Variants in CDYL2 observed in about 807,000 individuals in gnomAD.
CDYL2 encodes chromodomain Y like 2, also known as chromodomain Y-like protein 2.
Under a neutral mutation model 49.4 loss-of-function variants are expected in CDYL2, and 23 were observed. That is an observed-to-expected ratio of 0.47 (90% CI 0.34 to 0.66). The LOEUF is 0.66. Among genes scored for constraint, CDYL2 ranks in the 30% least tolerant of loss-of-function variants. The pLI, the probability that CDYL2 is intolerant of heterozygous loss-of-function variation, is 0.01. For missense variants in CDYL2, 678 were observed against 656.4 expected (o/e 1.03, Z -0.36); for synonymous variants, 360 against 268.8 (o/e 1.34, Z -3.32).
At chr16:80,609,283 G>A (rs910931394) in intron 5 of CDYL2, among the ~76,000 whole-genome samples, 23 of 152,274 alleles carry the variant, frequency 1.5e-4, no homozygotes, top group African/African-American at 4.8e-4. Flanking sequence ...GATAGGGTCC[G>A]CACGGCCGGC....
At chr16:80,779,822 C>A (rs572484021) in intron 1 of CDYL2, among the ~76,000 whole-genome samples, 29 of 152,202 alleles carry the variant, frequency 1.9e-4, no homozygotes, top group African/African-American at 6.7e-4. Flanking sequence ...GAAGGATATA[C>A]ATCAATGTTA....
At chr16:80,641,357 A>G (rs1390904684) in intron 2 of CDYL2, among the ~76,000 whole-genome samples, 2 of 152,164 alleles carry the variant, frequency 1.3e-5, no homozygotes, top group Non-Finnish European at 2.9e-5. Context: ...AAACAAAACA[A>G]AAAAACTTTT....
At chr16:80,674,101 G>C (rs536505595) in intron 2 of CDYL2, among the ~76,000 whole-genome samples, 12 of 152,290 alleles carry the variant, frequency 7.9e-5, no homozygotes, top group Non-Finnish European at 1.5e-4. Flanking sequence ...ACCAAGTTGG[G>C]AGGAATTTGT....
chr16:80,652,768 T>TGGA (rs1245122348), intron 2 of CDYL2, among the ~76,000 whole-genome samples: 1 of 151,972 alleles, frequency 6.6e-6, no homozygotes, highest in Non-Finnish European at 1.5e-5. Flanking sequence ...GGGTCCCTCC[T>TGGA]CCCAAAAACT....
At chr16:80,730,766 C>G (rs1905299943) in intron 1 of CDYL2, among the ~76,000 whole-genome samples, 1 of 152,082 alleles carries the variant, frequency 6.6e-6, no homozygotes, top group South Asian at 2.1e-4. Context: ...TGAGCTATTA[C>G]TTAGATATAA....
chr16:80,747,750 C>A (rs1210255109), intron 1 of CDYL2, among the ~76,000 whole-genome samples: 1 of 152,118 alleles, frequency 6.6e-6, no homozygotes. Flanking sequence ...AGTAAGTGCC[C>A]TAGTTTCTTT....
intron 2 of CDYL2, among the ~76,000 whole-genome samples, chr16:80,668,605 G>A (rs115787425): frequency 1.4e-3 from 214 of 152,134 alleles, no homozygotes; most frequent in African/African-American, 5.0e-3. Context: ...TTTGGGAAGG[G>A]AGAATATGGA....
intron 1 of CDYL2, among the ~76,000 whole-genome samples, chr16:80,721,624 C>A (rs554189420): frequency 9.2e-5 from 14 of 152,320 alleles, no homozygotes; most frequent in African/African-American, 3.4e-4. Context: ...ACGTGATCCA[C>A]CATATTCCAC....
chr16:80,708,418 T>A (rs1567579515), intron 1 of CDYL2, among the ~76,000 whole-genome samples: 1 of 152,214 alleles, frequency 6.6e-6, no homozygotes, highest in East Asian at 1.9e-4. Context: ...CCTCCTTGCC[T>A]TCTGCCATGA....
intron 1 of CDYL2, among the ~76,000 whole-genome samples, chr16:80,801,503 AG>A (rs1453007284): frequency 1.3e-5 from 2 of 152,386 alleles, no homozygotes; most frequent in Non-Finnish European, 2.9e-5. Flanking sequence ...TTCACCATAA[AG>A]GCTCAAAGAT....
At chr16:80,738,492 G>A (rs1905618911) in intron 1 of CDYL2, among the ~76,000 whole-genome samples, 1 of 152,048 alleles carries the variant, frequency 6.6e-6, no homozygotes, top group African/African-American at 2.4e-5. Context: ...ATTATGCTAA[G>A]TGAAAAAAGC....
intron 1 of CDYL2, among the ~76,000 whole-genome samples, chr16:80,795,172 G>A (rs967633630): frequency 2.0e-5 from 3 of 152,158 alleles, no homozygotes; most frequent in Admixed American, 6.5e-5. Context: ...GAATTTGAGG[G>A]GAGGGCAGTG....
chr16:80,681,100 T>A (rs1909950836), intron 2 of CDYL2, among the ~76,000 whole-genome samples: 1 of 152,144 alleles, frequency 6.6e-6, no homozygotes, highest in Admixed American at 6.5e-5. Context: ...ATCAGGGAAG[T>A]CAGCAGTAAA....
At chr16:80,679,307 G>C (rs2316150) in intron 2 of CDYL2, among the ~76,000 whole-genome samples, 4,136 of 151,854 alleles carry the variant, frequency 0.027, 91 homozygotes, top group African/African-American at 0.057. Context: ...AACAAGGAGG[G>C]TGTCAAAGAA....
chr16:80,803,509 G>A (rs548829286), intron 1 of CDYL2, among the ~76,000 whole-genome samples: 118 of 152,082 alleles, frequency 7.8e-4, no homozygotes, highest in African/African-American at 2.7e-3. Flanking sequence ...CGTCCGAGCT[G>A]GTGCGGGGGC....
At chr16:80,729,648 A>C (rs1905265884) in intron 1 of CDYL2, among the ~76,000 whole-genome samples, 1 of 152,108 alleles carries the variant, frequency 6.6e-6, no homozygotes, top group Non-Finnish European at 1.5e-5. Flanking sequence ...CAGAATATAC[A>C]TTTTTTTCAG....
chr16:80,612,779 C>A lies in CDYL2; in HGVS notation c.1065G>T (p.Gly355=), dbSNP rs115679401. Residue 355 remains glycine, a synonymous_variant, in exon 5 of 7, where the codon GGG becomes GGT. Coordinates refer to ENST00000570137, the MANE Select transcript of CDYL2 (RefSeq NM_152342.4). The surrounding 1 kb of genome is among the most constrained non-coding windows in gnomAD (Gnocchi z 5.0). Reference sequence around the variant, plus strand: ...TGGAGGCACCCAGGCCCAGGGCCGGCCCATTGATGGCCACCACGATAGGCT... The same window carrying A: ...TGGAGGCACCCAGGCCCAGGGCCGGACCATTGATGGCCACCACGATAGGCT... ...FKKPIVVAIN[G]PALGLGASIL... is the part of the protein sequence containing the mutation. The A allele has an allele frequency of 1.3e-3, 2,042 of 1,613,822 alleles. 24 individuals are homozygous for A. In the African/African-American group the frequency reaches 0.024, roughly 19 times the overall value.
intron 1 of CDYL2, among the ~76,000 whole-genome samples, chr16:80,784,432 TA>T (rs1253327460): frequency 6.6e-6 from 1 of 152,186 alleles, no homozygotes. Context: ...TAACTAAAAG[TA>T]GTGTCCAAAT....
chr16:80,802,674 G>A (rs541985293), intron 1 of CDYL2, among the ~76,000 whole-genome samples: 3 of 152,306 alleles, frequency 2.0e-5, no homozygotes, highest in Admixed American at 2.0e-4. Flanking sequence ...CTGGCCGGCA[G>A]TCCAGGCCTG....
Sources: gnomAD v4.1 joint callset for allele counts (sites outside exome capture counted in the v4.1 genomes callset) on GRCh38, gnomAD v4.1.1 for gene constraint, Gnocchi (gnomAD v3.1) non-coding constraint, MANE v1.5 for transcripts, NCBI Gene and HGNC (gene_info 2026-07-23, HGNC 2026-07-21) for gene names.